Variants in GON4L observed in about 807,000 individuals in gnomAD.
GON4L encodes the protein GON-4-like protein.
In GON4L, 87 loss-of-function variants were observed where a neutral mutation model predicts 211.8. That is an observed-to-expected ratio of 0.41 (90% confidence interval 0.35 to 0.49). The LOEUF is 0.49. Ranked by LOEUF, GON4L falls within the 20% of genes least tolerant of loss-of-function variation. The pLI is 0.15. For missense variants in GON4L, 2,155 were observed against 2,659.5 expected (o/e 0.81, Z 4.17); for synonymous variants, 875 against 962.6 (o/e 0.91, Z 1.68).
chr1:155,751,995 G>A lies in GON4L; in HGVS notation c.6438C>T (p.Val2146=), dbSNP rs1347741605. ...EATVCANNSK[V]SSTGEKVVLW... ...GGACAACCTTTTCCCCAGTGGAGCT[G>A]ACCTTGCTGTTGTTGGCACACACCG... Residue 2146 remains valine (V), a synonymous_variant, in exon 30 of 32, where the codon GTC becomes GTT. Transcript: ENST00000368331. 2 of 1,612,790 alleles carry A rather than the reference G, an allele frequency of 1.2e-6. No individual in the cohort carries two copies. The highest frequency in any genetic ancestry group is 1.7e-6 in the Non-Finnish European group (2 of 1,178,958).
Position 155,762,295 on chromosome 1 carries a change from G to A in GON4L, c.4806C>T (p.Ser1602=), listed in dbSNP as rs1661894957. Reference sequence around the variant, plus strand: ...GCAACAGCAGCTTGGAGGTGTCCTTGCTGGCCCGAGCCCGACTTCCCCGCT... The same window carrying A: ...GCAACAGCAGCTTGGAGGTGTCCTTACTGGCCCGAGCCCGACTTCCCCGCT... ...RNKRGSRARA[S]KDTSKLLLLY... The change falls in exon 23 of 32, where the codon AGC becomes AGT. Residue 1602 remains serine, a synonymous_variant. Transcript: ENST00000368331. 5 of 1,613,466 alleles carry A rather than the reference G, an allele frequency of 3.1e-6. No individual in the cohort carries two copies. Among genetic ancestry groups the A allele is most frequent in the Non-Finnish European group, 4.2e-6 (5 of 1,179,728 alleles).
chr1:155,813,165 T>G (rs775131154), intron 10 of GON4L, among the ~76,000 whole-genome samples: 22 of 152,082 alleles, frequency 1.4e-4, no homozygotes, highest in Non-Finnish European at 2.6e-4. Flanking sequence ...GGCACGGTGG[T>G]TCACACCAGT....
chr1:155,821,391 ACTC>A (rs1255574791), intron 5 of GON4L, 80 bp downstream of exon 5: 3 of 829,910 alleles, frequency 3.6e-6, no homozygotes, highest in Admixed American at 1.7e-5. Flanking sequence ...CTGTTTACAA[ACTC>A]CTAAGTGACC....
chr1:155,750,250 T>C lies in GON4L; in HGVS notation c.*334A>G, dbSNP rs981574119. On this transcript the variant is annotated 3_prime_UTR_variant, in exon 32 of 32. Coordinates refer to ENST00000368331, the MANE Select transcript of GON4L (RefSeq NM_001282860.2). ...TCGCGGGACTAGCTACACCAACATA[T>C]GCACTTTTTACATTTAGAAACACTG... is the stretch of plus-strand genomic sequence containing the variant. The C allele has an allele frequency of 3.9e-5, 22 of 569,250 alleles. No homozygotes were observed. Among genetic ancestry groups the C allele is most frequent in the Admixed American group, 6.1e-5 (2 of 32,640 alleles). 35.3% of individuals were successfully genotyped at this position (569,250 alleles called of 1,614,324 possible).
At chr1:155,767,978 A>AG (rs891257052) in intron 19 of GON4L, among the ~76,000 whole-genome samples, 2 of 152,046 alleles carry the variant, frequency 1.3e-5, no homozygotes, top group East Asian at 1.9e-4. Flanking sequence ...TTAGAAGAGA[A>AG]GGGGGGAAAA....
At chr1:155,768,440 C>T (rs532534629) in intron 19 of GON4L, among the ~76,000 whole-genome samples, 50 of 150,996 alleles carry the variant, frequency 3.3e-4, no homozygotes, top group African/African-American at 1.0e-3. Flanking sequence ...GAAACCCCGT[C>T]TCTACTAAAA....
intron 2 of GON4L, among the ~76,000 whole-genome samples, chr1:155,838,145 C>T (rs377238770): frequency 1.3e-5 from 2 of 152,146 alleles, no homozygotes; most frequent in East Asian, 3.9e-4. Context: ...CTTATAGTCC[C>T]AGCTACTCAG....
At chr1:155,772,982 C>T in intron 18 of GON4L, 84 bp downstream of exon 18, 1 of 1,546,470 alleles carries the variant, frequency 6.5e-7, no homozygotes, top group South Asian at 1.1e-5. Flanking sequence ...TTATACAAGT[C>T]TTACTTCCCC....
intron 3 of GON4L, among the ~76,000 whole-genome samples, chr1:155,824,434 C>CAAAAAAAAAAAAAA (rs769823401): frequency 1.3e-4 from 1 of 7,438 alleles, no homozygotes; most frequent in Non-Finnish European, 2.6e-4. Flanking sequence ...AACTCCACAT[C>CAAAAAAAAAAAAAA]AAAAAAAAAA....
At chr1:155,790,260 C>T (rs367729313) in intron 12 of GON4L, among the ~76,000 whole-genome samples, 1 of 152,050 alleles carries the variant, frequency 6.6e-6, no homozygotes, top group Non-Finnish European at 1.5e-5. Context: ...CCACCACACC[C>T]GGCTAATTTT....
chr1:155,811,598 A>C (rs1326238247), intron 10 of GON4L, among the ~76,000 whole-genome samples: 1 of 150,198 alleles, frequency 6.7e-6, no homozygotes, highest in Non-Finnish European at 1.5e-5. Context: ...TCTACTAAAA[A>C]TACAAAAAAT....
At position 155,766,252 on chromosome 1, in the gene GON4L, G is replaced by A. The variant is rs545676163; in HGVS notation, c.3221C>T (p.Ala1074Val). 1.9e-6 allele frequency: 3 copies of A among 1,614,162 alleles called. No individual in the cohort carries two copies. In the South Asian group the frequency reaches 3.3e-5, roughly 18 times the overall value. ...GCTTGTCCTGGCCTCAGGGGGCACA[G>A]CAGGCAGTGCTGCAGGAGACTCAAA... Reference protein sequence around the residue: ...ESFESPAALPAVPPEARTSFP... With the variant: ...ESFESPAALPVVPPEARTSFP... The change falls in exon 21 of 32, where the codon GCT becomes GTT. Residue 1074 changes from alanine (A) to valine (V), a missense_variant. This residue lies in a region of GON4L where 615 missense variants were observed against 625.7 expected (regional missense o/e 0.98). Coordinates refer to ENST00000368331, the MANE Select transcript of GON4L (RefSeq NM_001282860.2).
intron 12 of GON4L, among the ~76,000 whole-genome samples, chr1:155,790,282 T>A (rs1170694096): frequency 2.0e-5 from 3 of 151,650 alleles, no homozygotes; most frequent in Non-Finnish European, 4.4e-5. Flanking sequence ...GTATTTATAG[T>A]AGAGATGGGG....
Position 155,776,399 on chromosome 1 carries a change from A to T in GON4L, c.2174T>A (p.Phe725Tyr). 6.2e-7 allele frequency: 1 copy of T among 1,600,332 alleles called. No homozygotes were observed. Among genetic ancestry groups the T allele is most frequent in the Non-Finnish European group, 8.6e-7 (1 of 1,167,522 alleles). Residue 725 changes from phenylalanine (F) to tyrosine (Y), a missense_variant, in exon 16 of 32, where the codon TTT (phenylalanine) becomes TAT (tyrosine). Around this residue, in one of 6 missense-constraint regions of GON4L, gnomAD observed 551 missense variants for 854.0 expected, o/e 0.65. Coordinates refer to ENST00000368331, the MANE Select transcript of GON4L (RefSeq NM_001282860.2). The stretch of plus-strand genomic sequence containing the variant: ...TATGGATATTTGGAAACTTACAAGA[A>T]ATATCCTGGTGGTAGTGGCCTCCGG... ...LNPEATTTRI[F>Y]LKELGTFAQS...
intron 1 of GON4L, among the ~76,000 whole-genome samples, chr1:155,855,440 T>A (rs1011298119): frequency 6.6e-6 from 1 of 152,016 alleles, no homozygotes; most frequent in Non-Finnish European, 1.5e-5. Context: ...CGCTGCAGCC[T>A]CGACCTCCTG....
rs560679479 is a variant in GON4L, at chr1:155,798,955, T to C, written c.1646-3804A>G. On this transcript the variant is annotated intron_variant, in intron 11 of 31. Transcript: ENST00000368331. ...GAGTTCTGCTTAGCTTTTAGTACCC[T>C]GATTGTGGAATATGTCCTCTGAGCT... Among the ~76,000 whole-genome samples, 4 of 152,272 alleles carry C rather than the reference T, an allele frequency of 2.6e-5. No individual in the cohort carries two copies. In the South Asian group the frequency reaches 8.3e-4, roughly 32 times the overall value.
At chr1:155,756,718 A>G (rs1661227425) in intron 27 of GON4L, 2 of 438,950 alleles carry the variant, frequency 4.6e-6, no homozygotes, top group African/African-American at 4.0e-5. Flanking sequence ...TGAGGTAAGG[A>G]GTTCGAGACC....
At chr1:155,842,523 CAAAAAAAAAA>C (rs71591917) in intron 2 of GON4L, among the ~76,000 whole-genome samples, 19 of 25,996 alleles carry the variant, frequency 7.3e-4, no homozygotes, top group Non-Finnish European at 1.0e-3. Context: ...GACTCCATCT[CAAAAAAAAAA>C]AAAAAAAAAA....
chr1:155,821,230 C>T (rs993804443), intron 5 of GON4L, among the ~76,000 whole-genome samples: 4 of 151,430 alleles, frequency 2.6e-5, no homozygotes, highest in South Asian at 2.1e-4. Flanking sequence ...CGCGCCACTG[C>T]GCTCCAGCCT....
Sources: gnomAD v4.1 joint callset for allele counts (sites outside exome capture counted in the v4.1 genomes callset) on GRCh38, gnomAD v4.1.1 for gene constraint, gnomAD v4.1.1 regional missense constraint, MANE v1.5 for transcripts, NCBI Gene and HGNC (gene_info 2026-07-23, HGNC 2026-07-21) for gene names.